The following CDR2 variants were observed in gnomAD, a reference collection of about 807,000 sequenced individuals.
The protein encoded by CDR2 is cerebellar degeneration-related protein 2.
In CDR2, 34 loss-of-function variants were observed where a neutral mutation model predicts 48.4. That is an observed-to-expected ratio of 0.70 (90% CI 0.53 to 0.94). The LOEUF (loss-of-function observed/expected upper bound fraction) is 0.94, where lower values mean the gene tolerates loss of function less well. Among genes scored for constraint, CDR2 ranks in the 40% least tolerant of loss-of-function variants. The probability of loss-of-function intolerance (pLI) is 0.00; values close to 1 mark genes in which losing one functional copy is unlikely to be tolerated. For missense variants in CDR2, 498 were observed against 549.5 expected (o/e 0.91, Z 0.94); for synonymous variants, 240 against 219.7 (o/e 1.09, Z -0.82).
At chr16:22,355,441 G>A (rs1195462946) in intron 2 of CDR2, among the ~76,000 whole-genome samples, 1 of 152,194 alleles carries the variant, frequency 6.6e-6, no homozygotes, top group East Asian at 1.9e-4. Context: ...TGTGAACATG[G>A]ATGAATTTAA....
At chr16:22,351,561 C>T (rs2048942329) in intron 2 of CDR2, among the ~76,000 whole-genome samples, 1 of 152,124 alleles carries the variant, frequency 6.6e-6, no homozygotes, top group Admixed American at 6.5e-5. Context: ...ATGAGGCATT[C>T]TGGACCAAAA....
intron 2 of CDR2, among the ~76,000 whole-genome samples, chr16:22,362,838 C>G (rs538370136): frequency 6.6e-6 from 1 of 152,196 alleles, no homozygotes; most frequent in Non-Finnish European, 1.5e-5. Context: ...TCTTCCACTT[C>G]GGCCTCCCAA....
intron 1 of CDR2, among the ~76,000 whole-genome samples, chr16:22,371,007 T>C (rs911685615): frequency 6.6e-6 from 1 of 152,130 alleles, no homozygotes; most frequent in East Asian, 1.9e-4. Context: ...GGTCAGGAGA[T>C]TGAGACCATC....
chr16:22,361,540 G>T (rs1000841220), intron 2 of CDR2, among the ~76,000 whole-genome samples: 3 of 152,196 alleles, frequency 2.0e-5, no homozygotes, highest in Admixed American at 6.5e-5. Flanking sequence ...ATCTGCCCAG[G>T]CACAGTTGTG....
chr16:22,347,591 C>G lies in CDR2; in HGVS notation c.739G>C (p.Ala247Pro), dbSNP rs964449936. 1 of 1,614,076 alleles carries G rather than the reference C, an allele frequency of 6.2e-7. No individual in the cohort carries two copies. The highest frequency in any genetic ancestry group is 1.1e-5 in the South Asian group (1 of 91,096). ...LGATGAYRAR[A>P]LELEAEVAEM... Reference sequence around the variant, plus strand: ...GCCACCTCGGCCTCTAGTTCCAGCGCCCGTGCTCGGTAGGCACCTGTGGCC... The same window carrying G: ...GCCACCTCGGCCTCTAGTTCCAGCGGCCGTGCTCGGTAGGCACCTGTGGCC... Residue 247 changes from alanine to proline, a missense_variant, in exon 5 of 5, where the codon GCG becomes CCG. Physicochemically the swap from Ala to Pro is conservative, Grantham distance 27. Coordinates refer to ENST00000268383, the MANE Select transcript of CDR2 (RefSeq NM_001802.2).
chr16:22,346,917 G>C lies in CDR2; in HGVS notation c.*48C>G, dbSNP rs2048908706. 1 of 1,563,048 alleles carries C rather than the reference G, an allele frequency of 6.4e-7. No individual in the cohort carries two copies. Among genetic ancestry groups the C allele is most frequent in the Non-Finnish European group, 8.7e-7 (1 of 1,146,596 alleles). On this transcript the variant is annotated 3_prime_UTR_variant, in exon 5 of 5. Coordinates refer to ENST00000268383, the MANE Select transcript of CDR2 (RefSeq NM_001802.2). ...TACAAACACTTGTCTGAATGGGAGAGAGAGGCGATAGGCAATAGGCAAATT... is the reference window on the plus strand; with the variant it reads ...TACAAACACTTGTCTGAATGGGAGACAGAGGCGATAGGCAATAGGCAAATT...
intron 2 of CDR2, among the ~76,000 whole-genome samples, chr16:22,358,533 G>A (rs1384141151): frequency 6.6e-6 from 1 of 152,028 alleles, no homozygotes; most frequent in South Asian, 2.1e-4. Flanking sequence ...TTGCAATTGT[G>A]GAATCCTAAC....
At chr16:22,351,762 C>T (rs2048943934) in intron 2 of CDR2, among the ~76,000 whole-genome samples, 1 of 152,082 alleles carries the variant, frequency 6.6e-6, no homozygotes, top group Non-Finnish European at 1.5e-5. Flanking sequence ...GGGAATAATC[C>T]CAACCTTAAT....
chr16:22,374,282 A>G lies in CDR2; in HGVS notation c.28T>C (p.Phe10Leu). Residue 10 changes from phenylalanine to leucine, a missense_variant, in exon 1 of 5, where the codon TTT (phenylalanine) becomes CTT (leucine). Transcript: ENST00000268383. Reference sequence around the variant, plus strand: ...CACGGCTCGTCCTCCTTCATCTCAAACTCCTCTACCAGGTTTTCCGCCAGC... The same window carrying G: ...CACGGCTCGTCCTCCTTCATCTCAAGCTCCTCTACCAGGTTTTCCGCCAGC... MLAENLVEE[F>L]EMKEDEPWYD... is the part of the protein sequence containing the mutation. 1 of 1,577,866 alleles carries G rather than the reference A, an allele frequency of 6.3e-7. No individual in the cohort carries two copies. Among genetic ancestry groups the G allele is most frequent in the Non-Finnish European group, 8.6e-7 (1 of 1,162,302 alleles).
chr16:22,365,237 T>G (rs889280906), intron 1 of CDR2: 23 of 444,738 alleles, frequency 5.2e-5, no homozygotes, highest in Non-Finnish European at 9.4e-5. Context: ...TGAAAAATGG[T>G]CATCTACTTT....
intron 2 of CDR2, among the ~76,000 whole-genome samples, chr16:22,350,102 T>C (rs749806565): frequency 6.6e-6 from 1 of 151,872 alleles, no homozygotes; most frequent in Non-Finnish European, 1.5e-5. Context: ...GGCAGGAAAA[T>C]TGCTTGAACC....
In CDR2 at chr16:22,349,793, A is replaced by T. The variant is rs746830806; in HGVS notation, c.249T>A (p.Val83=). ...TTGCTGTGACGTCTAATTGTTCATAAACCTTTGCATGTTGTTCGTTCATCT... is the reference window on the plus strand; with the variant it reads ...TTGCTGTGACGTCTAATTGTTCATATACCTTTGCATGTTGTTCGTTCATCT... The part of the protein sequence containing the change: ...LRQMNEQHAK[V]YEQLDVTARE... Residue 83 remains valine, a synonymous_variant, in exon 3 of 5, where the codon GTT becomes GTA. Coordinates refer to ENST00000268383, the MANE Select transcript of CDR2 (RefSeq NM_001802.2). 6.2e-6 allele frequency: 10 copies of T among 1,614,056 alleles called. No individual in the cohort carries two copies. The highest frequency in any genetic ancestry group is 5.9e-6 in the Non-Finnish European group (7 of 1,179,968).
At chr16:22,351,396 G>A (rs1399403000) in intron 2 of CDR2, among the ~76,000 whole-genome samples, 1 of 152,120 alleles carries the variant, frequency 6.6e-6, no homozygotes, top group Non-Finnish European at 1.5e-5. Flanking sequence ...GGACTGCTGG[G>A]TCAAATGGTA....
At chr16:22,349,570 T>C in intron 3 of CDR2, 127 bp from the exon 4 acceptor site, 2 of 1,393,688 alleles carry the variant, frequency 1.4e-6, no homozygotes, top group East Asian at 2.3e-5. Context: ...CTATTTAATC[T>C]CCATTCTCCA....
At chr16:22,349,951 G>C (rs756654190) in intron 2 of CDR2, 102 bp from the exon 3 acceptor site, 338 of 1,054,908 alleles carry the variant, frequency 3.2e-4, no homozygotes, top group Non-Finnish European at 4.2e-4. Flanking sequence ...CACTTTGGGA[G>C]GCCAAGACGT....
chr16:22,364,163 G>A (rs953017054), intron 2 of CDR2, among the ~76,000 whole-genome samples: 2 of 151,890 alleles, frequency 1.3e-5, no homozygotes, highest in Admixed American at 1.3e-4. Flanking sequence ...GGCTGGTCTC[G>A]AATTCCTGAG....
chr16:22,350,077 T>G (rs2048932493), intron 2 of CDR2, among the ~76,000 whole-genome samples: 1 of 151,768 alleles, frequency 6.6e-6, no homozygotes, highest in African/African-American at 2.4e-5. Flanking sequence ...TAATCCCAGC[T>G]ACTTGGGAGG....
rs768422862 is a variant in CDR2, at chr16:22,353,641, G to A, written c.193-3792C>T. 5.9e-5 allele frequency among the ~76,000 whole-genome samples: 9 copies of A among 152,182 alleles called. 1 individual carries two copies. Among genetic ancestry groups the A allele is most frequent in the Middle Eastern group, 6.8e-3 (2 of 294 alleles). ...ATCCACACTAACAAGCTTTGCTAAC[G>A]GGCCTTTATCACCACTTACTTGCCT... is the stretch of plus-strand genomic sequence containing the variant. On this transcript the variant is annotated intron_variant, in intron 2 of 4. Coordinates refer to ENST00000268383, the MANE Select transcript of CDR2 (RefSeq NM_001802.2).
chr16:22,363,282 G>C (rs2049022691), intron 2 of CDR2, among the ~76,000 whole-genome samples: 1 of 152,086 alleles, frequency 6.6e-6, no homozygotes, highest in African/African-American at 2.4e-5. Context: ...AAAACATATT[G>C]TACGCTCTTT....
Sources: allele counts gnomAD v4.1 joint callset (sites outside exome capture counted in the v4.1 genomes callset), GRCh38; gene constraint gnomAD v4.1.1; transcripts MANE v1.5; gene names NCBI Gene and HGNC (gene_info 2026-07-23, HGNC 2026-07-21).